The following ST6GALNAC3 variants were observed in gnomAD, a reference collection of about 807,000 sequenced individuals.
ST6GALNAC3 encodes ST6 N-acetylgalactosaminide alpha-2,6-sialyltransferase 3.
In ST6GALNAC3, 25 loss-of-function variants were observed where a neutral mutation model predicts 32.7. The ratio of observed to expected loss-of-function variants is 0.76; its 90% CI spans 0.56 to 1.07. The LOEUF is 1.07. ST6GALNAC3 is among the 50% of genes least tolerant of loss of function. The probability of loss-of-function intolerance (pLI) is 0.00; values close to 1 mark genes in which losing one functional copy is unlikely to be tolerated. For missense variants in ST6GALNAC3, 355 were observed against 382.4 expected (o/e 0.93, Z 0.60); for synonymous variants, 129 against 133.1 (o/e 0.97, Z 0.21).
intron 1 of ST6GALNAC3, among the ~76,000 whole-genome samples, chr1:76,186,602 A>G (rs1247801827): frequency 6.6e-6 from 1 of 152,150 alleles, no homozygotes; most frequent in Non-Finnish European, 1.5e-5. Context: ...AAACCTGCTT[A>G]TCTCCATACA....
chr1:76,590,628 A>C (rs1647032950), intron 3 of ST6GALNAC3, among the ~76,000 whole-genome samples: 1 of 152,238 alleles, frequency 6.6e-6, no homozygotes, highest in African/African-American at 2.4e-5. Flanking sequence ...TTTAAAATTA[A>C]TAATTTTCTT....
intron 1 of ST6GALNAC3, among the ~76,000 whole-genome samples, chr1:76,300,706 A>G (rs1318048258): frequency 2.0e-5 from 3 of 152,076 alleles, no homozygotes; most frequent in Non-Finnish European, 4.4e-5. Context: ...TTGATTAGCA[A>G]TGTCTGCCTG....
chr1:76,633,033 T>G lies in ST6GALNAC3; in HGVS notation c.*4227T>G, dbSNP rs903851230. 3.9e-5 allele frequency: 6 copies of G among 152,166 alleles called. No individual in the cohort carries two copies. The highest frequency in any genetic ancestry group is 1.4e-4 in the African/African-American group (6 of 41,446). The allele number at this position is 152,166 out of a possible 1,614,324, so 9.4% of individuals were successfully genotyped here. On this transcript the variant is annotated 3_prime_UTR_variant, in exon 5 of 5. Transcript: ENST00000328299. ...GTGACTGAAGGAGCCAGTGCTAGCC[T>G]TTTTAAGTAGGTCAGGCTTTTAGAG...
chr1:76,281,176 TC>T (rs1659479704), intron 1 of ST6GALNAC3, among the ~76,000 whole-genome samples: 1 of 152,232 alleles, frequency 6.6e-6, no homozygotes, highest in Admixed American at 6.5e-5. Context: ...CAAGCTTTTT[TC>T]TCCTTTAACT....
At chr1:76,299,628 CAA>C (rs1239230329) in intron 1 of ST6GALNAC3, among the ~76,000 whole-genome samples, 2 of 151,986 alleles carry the variant, frequency 1.3e-5, no homozygotes, top group Non-Finnish European at 2.9e-5. Flanking sequence ...AGATCCAGCA[CAA>C]AGTTACCTCC....
At chr1:76,171,864 C>T (rs1052218887) in intron 1 of ST6GALNAC3, among the ~76,000 whole-genome samples, 1 of 70,380 alleles carries the variant, frequency 1.4e-5, no homozygotes, top group Non-Finnish European at 3.9e-5. Context: ...CAAAACAGGA[C>T]CAGACAGATT....
At chr1:76,449,962 C>A (rs1227742058) in intron 3 of ST6GALNAC3, among the ~76,000 whole-genome samples, 1 of 152,068 alleles carries the variant, frequency 6.6e-6, no homozygotes, top group Non-Finnish European at 1.5e-5. Context: ...TTATCTCTCA[C>A]CTCCAATTAT....
intron 3 of ST6GALNAC3, among the ~76,000 whole-genome samples, chr1:76,613,968 T>A (rs949363095): frequency 6.6e-6 from 1 of 152,238 alleles, no homozygotes; most frequent in African/African-American, 2.4e-5. Context: ...TGGTATATCC[T>A]TAGACACATC....
intron 1 of ST6GALNAC3, among the ~76,000 whole-genome samples, chr1:76,277,920 G>T (rs944944398): frequency 6.6e-6 from 1 of 151,946 alleles, no homozygotes; most frequent in African/African-American, 2.4e-5. Context: ...TTTAAGTCTG[G>T]TTACACAAGT....
At chr1:76,193,144 C>A (rs1343318271) in intron 1 of ST6GALNAC3, among the ~76,000 whole-genome samples, 2 of 152,118 alleles carry the variant, frequency 1.3e-5, no homozygotes, top group African/African-American at 2.4e-5. Context: ...AAAGTAGATT[C>A]TTCTACCCTG....
intron 1 of ST6GALNAC3, among the ~76,000 whole-genome samples, chr1:76,195,567 G>T (rs937148391): frequency 1.3e-5 from 2 of 152,212 alleles, no homozygotes; most frequent in African/African-American, 4.8e-5. Flanking sequence ...ATGGCTACTA[G>T]CACAGTTTGG....
At chr1:76,565,128 G>A (rs1419494490) in intron 3 of ST6GALNAC3, among the ~76,000 whole-genome samples, 4 of 152,106 alleles carry the variant, frequency 2.6e-5, no homozygotes, top group African/African-American at 9.7e-5. Flanking sequence ...CTCATGGAGG[G>A]TGCCTGTGCC....
chr1:76,225,003 C>T (rs546463138), intron 1 of ST6GALNAC3, among the ~76,000 whole-genome samples: 4 of 152,042 alleles, frequency 2.6e-5, no homozygotes, highest in Admixed American at 2.6e-4. Context: ...CAGATGGATG[C>T]TTCCTGATTT....
intron 2 of ST6GALNAC3, among the ~76,000 whole-genome samples, chr1:76,369,826 A>T (rs541062966): frequency 1.3e-5 from 2 of 152,298 alleles, no homozygotes; most frequent in East Asian, 3.9e-4. Flanking sequence ...CTAGCTCTAT[A>T]ATAAGTAGAA....
At chr1:76,329,296 C>T (rs1199893385) in intron 2 of ST6GALNAC3, among the ~76,000 whole-genome samples, 1 of 152,142 alleles carries the variant, frequency 6.6e-6, no homozygotes, top group Admixed American at 6.5e-5. Flanking sequence ...TAGTCATGCC[C>T]ATGAGCCTCC....
chr1:76,294,738 A>G (rs1660294274), intron 1 of ST6GALNAC3, among the ~76,000 whole-genome samples: 1 of 152,078 alleles, frequency 6.6e-6, no homozygotes, highest in Non-Finnish European at 1.5e-5. Context: ...CAACCCACTT[A>G]ACGGAAGCAG....
chr1:76,310,435 A>AGAGCTC (rs1360411792), intron 1 of ST6GALNAC3, among the ~76,000 whole-genome samples: 1 of 152,142 alleles, frequency 6.6e-6, no homozygotes, highest in Non-Finnish European at 1.5e-5. Flanking sequence ...TTGAGGAGGC[A>AGAGCTC]GAGCTCAAGG....
chr1:76,406,518 T>C (rs1461486829), intron 2 of ST6GALNAC3, among the ~76,000 whole-genome samples: 1 of 152,046 alleles, frequency 6.6e-6, no homozygotes, highest in Non-Finnish European at 1.5e-5. Flanking sequence ...TCAGCCATAT[T>C]TCAAGCTGAA....
chr1:76,448,456 A>G (rs750816030), intron 3 of ST6GALNAC3, among the ~76,000 whole-genome samples: 3 of 152,154 alleles, frequency 2.0e-5, no homozygotes, highest in Non-Finnish European at 2.9e-5. Context: ...GGAAGGCATG[A>G]TTAGTTTTGA....
Sources: allele counts gnomAD v4.1 joint callset (sites outside exome capture counted in the v4.1 genomes callset), GRCh38; gene constraint gnomAD v4.1.1; transcripts MANE v1.5; gene names NCBI Gene and HGNC (gene_info 2026-07-23, HGNC 2026-07-21).